The following KNSTRN variants were observed in gnomAD, a reference collection of about 807,000 sequenced individuals.
The protein encoded by KNSTRN is kinetochore localized astrin (SPAG5) binding protein.
A neutral mutation model predicts 44.7 loss-of-function variants in KNSTRN; 38 were observed. The ratio of observed to expected loss-of-function variants is 0.85; its 90% CI spans 0.66 to 1.11. KNSTRN has a LOEUF of 1.11. Among genes scored for constraint, KNSTRN ranks in the 50% most tolerant of loss-of-function variants. KNSTRN has a pLI of 0.00. For synonymous variants in KNSTRN, 158 were observed against 148.1 expected (o/e 1.07, Z -0.48); for missense variants, 406 against 375.8 (o/e 1.08, Z -0.66).
At position 40,382,958 on chromosome 15, in the gene KNSTRN, C is replaced by A. The variant is rs962748184; in HGVS notation, c.123C>A (p.Ala41=). The A allele has an allele frequency of 3.7e-6, 6 of 1,612,260 alleles. No individual in the cohort carries two copies. Among genetic ancestry groups the A allele is most frequent in the Non-Finnish European group, 5.1e-6 (6 of 1,180,032 alleles). Residue 41 remains alanine (A), a synonymous_variant, in exon 1 of 9, where the codon GCC becomes GCA. Coordinates refer to ENST00000249776, the MANE Select transcript of KNSTRN (RefSeq NM_033286.4). ...YRKFLFETQA[A]DLAGGTTVAA... ...AGTTTCTATTTGAAACCCAGGCGGC[C>A]GACTTAGCCGGTGGCACGACAGTTG...
Position 40,382,817 on chromosome 15 carries a change from A to C in KNSTRN, c.-19A>C. ...TCGCTAGGTCTGGCTCTGGCCTCTG[A>C]GCGAACCTTCCGTACAGTATGGCGG... On this transcript the variant is annotated 5_prime_UTR_variant, in exon 1 of 9. Transcript: ENST00000249776. The C allele has an allele frequency of 6.2e-7, 1 of 1,606,564 alleles. No homozygotes were observed. Among genetic ancestry groups the C allele is most frequent in the Non-Finnish European group, 8.5e-7 (1 of 1,177,158 alleles).
At position 40,389,499 on chromosome 15, in the gene KNSTRN, A is replaced by T; in HGVS notation, c.486-7A>T. 6.2e-7 allele frequency: 1 copy of T among 1,606,496 alleles called. No homozygotes were observed. Among genetic ancestry groups the T allele is most frequent in the Non-Finnish European group, 8.5e-7 (1 of 1,173,144 alleles). On this transcript the variant is annotated splice_region_variant and splice_polypyrimidine_tract_variant and intron_variant, in intron 4 of 8. Coordinates refer to ENST00000249776, the MANE Select transcript of KNSTRN (RefSeq NM_033286.4). ...ATCTTTTCATGTAAGTACAACTATT[A>T]TTACAGCTACAAACCACTGAGTAAG... is the stretch of plus-strand genomic sequence containing the variant.
At chr15:40,392,186 G>GGT (rs1555401629) in intron 8 of KNSTRN, among the ~76,000 whole-genome samples, 163 bp downstream of exon 8, 7 of 149,078 alleles carry the variant, frequency 4.7e-5, no homozygotes, top group East Asian at 1.9e-4. Context: ...ATAGTAACGT[G>GGT]TTTTTTTTTT....
chr15:40,392,048 C>T (rs774937873), intron 8 of KNSTRN, 25 bp downstream of exon 8: 2 of 1,494,222 alleles, frequency 1.3e-6, no homozygotes, highest in East Asian at 2.4e-5. Flanking sequence ...TCACCCTGAC[C>T]ATTTCCTACC....
intron 2 of KNSTRN, among the ~76,000 whole-genome samples, chr15:40,385,762 C>T (rs1207004146): frequency 3.3e-5 from 5 of 152,232 alleles, no homozygotes; most frequent in Admixed American, 2.0e-4. Flanking sequence ...TACCTGCTAA[C>T]TTCCACCCTG....
intron 6 of KNSTRN, among the ~76,000 whole-genome samples, chr15:40,390,613 G>C (rs1421827956): frequency 6.6e-6 from 1 of 151,916 alleles, no homozygotes; most frequent in Non-Finnish European, 1.5e-5. Context: ...TACAGTTGAG[G>C]ATATTCTTTT....
intron 8 of KNSTRN, among the ~76,000 whole-genome samples, 160 bp downstream of exon 8, chr15:40,392,183 C>T (rs1229078804): frequency 5.2e-5 from 5 of 96,276 alleles, no homozygotes; most frequent in African/African-American, 1.0e-4. Context: ...CTGATAGTAA[C>T]GTGTTTTTTT....
chr15:40,387,422 C>A lies in KNSTRN; in HGVS notation c.485+216C>A, dbSNP rs78468717. On this transcript the variant is annotated intron_variant, in intron 4 of 8. Coordinates refer to ENST00000249776, the MANE Select transcript of KNSTRN (RefSeq NM_033286.4). ...TGGTGCTACTATCTTGTGTCTCAAG[C>A]AAGAGCTTTTTGGACTCCACGCCAG... Among the ~76,000 whole-genome samples the A allele has an allele frequency of 7.2e-4, 109 of 152,290 alleles. 1 individual carries two copies. In the East Asian group the frequency reaches 0.019, roughly 27 times the overall value.
intron 2 of KNSTRN, 81 bp downstream of exon 2, chr15:40,383,403 G>A: frequency 1.8e-6 from 2 of 1,108,200 alleles, no homozygotes; most frequent in Non-Finnish European, 2.6e-6. Flanking sequence ...TGGGTGGCGC[G>A]GGCACGGGGA....
chr15:40,391,634 T>C, intron 7 of KNSTRN, 80 bp downstream of exon 7: 1 of 1,160,154 alleles, frequency 8.6e-7, no homozygotes, highest in South Asian at 1.3e-5. Flanking sequence ...CTGCTATATA[T>C]TCCATAAACT....
chr15:40,383,397 TGGCGCG>T, intron 2 of KNSTRN, 75 bp downstream of exon 2: 6 of 1,168,048 alleles, frequency 5.1e-6, no homozygotes, highest in Non-Finnish European at 7.4e-6. Flanking sequence ...ATCGAATGGG[TGGCGCG>T]GGCACGGGGA....
chr15:40,392,696 C>T (rs1489264766), intron 8 of KNSTRN, among the ~76,000 whole-genome samples: 2 of 152,128 alleles, frequency 1.3e-5, no homozygotes, highest in Non-Finnish European at 2.9e-5. Context: ...CTGCAACCTC[C>T]GCCTCCCGGG....
At position 40,383,154 on chromosome 15, in the gene KNSTRN, C is replaced by T. The variant is rs890266767; in HGVS notation, c.210-74C>T. 2.0e-5 allele frequency: 31 copies of T among 1,578,742 alleles called. No individual in the cohort carries two copies. In the African/African-American group the frequency reaches 3.2e-4, roughly 16 times the overall value. On this transcript the variant is annotated intron_variant, in intron 1 of 8. Coordinates refer to ENST00000249776, the MANE Select transcript of KNSTRN (RefSeq NM_033286.4). ...CCCCGAGCCGGGGCCTGTCGGGTCG[C>T]GCTATCCCCGGGCCCTCCACTCTCT...
At chr15:40,384,963 G>A (rs958546036) in intron 2 of KNSTRN, 2 of 152,872 alleles carry the variant, frequency 1.3e-5, no homozygotes, top group African/African-American at 4.8e-5. Flanking sequence ...TCAATTGACT[G>A]TTAACTCCAT....
intron 6 of KNSTRN, among the ~76,000 whole-genome samples, chr15:40,390,887 T>G (rs1175372194): frequency 6.6e-6 from 1 of 152,206 alleles, no homozygotes; most frequent in Non-Finnish European, 1.5e-5. Flanking sequence ...AGTGCTGGGT[T>G]TACAGACATG....
At chr15:40,391,905 GT>G in intron 7 of KNSTRN, 43 bp from the exon 8 acceptor site, 1 of 1,503,690 alleles carries the variant, frequency 6.7e-7, no homozygotes, top group Non-Finnish European at 9.2e-7. Context: ...TGCAAGTCTG[GT>G]TTTATATGAA....
intron 1 of KNSTRN, 64 bp from the exon 2 acceptor site, chr15:40,383,164 G>C: frequency 6.3e-7 from 1 of 1,582,014 alleles, no homozygotes; most frequent in Non-Finnish European, 8.7e-7. Flanking sequence ...CGCTATCCCC[G>C]GGCCCTCCAC....
At position 40,387,143 on chromosome 15, in the gene KNSTRN, G is replaced by C. The variant is rs769571525; in HGVS notation, c.438-16G>C. ...CTGTAAGTCTCTGATTCATTTCTTT[G>C]TTTCTGCCCTCCTAGGCAAATGAAA... is the stretch of plus-strand genomic sequence containing the variant. On this transcript the variant is annotated splice_polypyrimidine_tract_variant and intron_variant, in intron 3 of 8. Transcript: ENST00000249776. The C allele has an allele frequency of 1.9e-6, 3 of 1,600,862 alleles. No homozygotes were observed. The Admixed American group carries it at 5.0e-5, about 27-fold the overall frequency.
At chr15:40,389,139 C>T (rs2032937507) in intron 4 of KNSTRN, 2 of 455,294 alleles carry the variant, frequency 4.4e-6, no homozygotes, top group African/African-American at 4.0e-5. Context: ...ACTCTGTAGG[C>T]CGTATTTTTC....
Sources: allele counts gnomAD v4.1 joint callset (sites outside exome capture counted in the v4.1 genomes callset), GRCh38; gene constraint gnomAD v4.1.1; transcripts MANE v1.5; gene names NCBI Gene and HGNC (gene_info 2026-07-23, HGNC 2026-07-21).